TSNARE1: variants seen among roughly 807,000 people sequenced by gnomAD.
TSNARE1 encodes the protein t-SNARE domain-containing protein 1.
In TSNARE1, 49 loss-of-function variants were observed where a neutral mutation model predicts 62.0. The ratio of observed to expected loss-of-function variants is 0.79; its 90% CI spans 0.63 to 1.00. The LOEUF is 1.00. TSNARE1 is among the 50% of genes least tolerant of loss of function. The probability of loss-of-function intolerance (pLI) is 0.00; values close to 1 mark genes in which losing one functional copy is unlikely to be tolerated. For synonymous variants in TSNARE1, 328 were observed against 294.4 expected (o/e 1.11, Z -1.17); for missense variants, 755 against 700.1 (o/e 1.08, Z -0.88).
intron 12 of TSNARE1, chr8:142,274,150 G>C: frequency 1.0e-6 from 1 of 985,374 alleles, no homozygotes; most frequent in Non-Finnish European, 1.2e-6. Context: ...ATCTCTGCCC[G>C]TCAGGGCCAG....
At chr8:142,265,083 G>T (rs1819064810) in intron 12 of TSNARE1, among the ~76,000 whole-genome samples, 2 of 151,376 alleles carry the variant, frequency 1.3e-5, no homozygotes, top group South Asian at 4.2e-4. Context: ...ATACTCTTAG[G>T]TTACCTTAGT....
At chr8:142,266,671 A>G (rs1819150031) in intron 12 of TSNARE1, among the ~76,000 whole-genome samples, 1 of 152,094 alleles carries the variant, frequency 6.6e-6, no homozygotes, top group Non-Finnish European at 1.5e-5. Flanking sequence ...TTCACCCATG[A>G]TGTGCCCAGG....
In TSNARE1 at chr8:142,299,372, AAG is replaced by A. The variant is rs1200197546; in HGVS notation, c.1290+1112_1290+1113del. ...TACTGCCAGGCCTCTGCTTTTCTAG[AAG>A]AGTCAGCTCTTAGCAGACATTTGCT... On this transcript the variant is annotated intron_variant, in intron 10 of 13. Coordinates refer to ENST00000524325, the MANE Select transcript of TSNARE1 (RefSeq NM_145003.5). 2.0e-5 allele frequency among the ~76,000 whole-genome samples: 3 copies of A among 152,340 alleles called. No homozygotes were observed. In the East Asian group the frequency reaches 5.8e-4, roughly 29 times the overall value.
At chr8:142,249,452 G>T (rs1440154325) in intron 12 of TSNARE1, among the ~76,000 whole-genome samples, 1 of 152,154 alleles carries the variant, frequency 6.6e-6, no homozygotes, top group Non-Finnish European at 1.5e-5. Context: ...CCTGGAAAGG[G>T]GGGTTTGGGT....
chr8:142,362,729 A>C (rs1835256431), intron 1 of TSNARE1, among the ~76,000 whole-genome samples: 1 of 152,174 alleles, frequency 6.6e-6, no homozygotes, highest in Non-Finnish European at 1.5e-5. Flanking sequence ...TTTGGAGGGG[A>C]CATTCACACC....
chr8:142,282,157 G>A (rs930797561), intron 11 of TSNARE1, among the ~76,000 whole-genome samples: 1 of 152,164 alleles, frequency 6.6e-6, no homozygotes, highest in Non-Finnish European at 1.5e-5. Flanking sequence ...GTGGATGCAG[G>A]GACTTCAGGA....
chr8:142,381,556 C>T (rs937631363), intron 1 of TSNARE1, among the ~76,000 whole-genome samples: 11 of 152,148 alleles, frequency 7.2e-5, no homozygotes, highest in Non-Finnish European at 1.2e-4. Context: ...TGGAGCTCAG[C>T]GCCCTTTCTG....
intron 1 of TSNARE1, among the ~76,000 whole-genome samples, chr8:142,373,824 T>C (rs768672689): frequency 7.9e-5 from 12 of 151,562 alleles, no homozygotes; most frequent in Non-Finnish European, 1.6e-4. Flanking sequence ...GAGAGGGAGC[T>C]AGGCAGGGGA....
chr8:142,265,197 C>G (rs1819071148), intron 12 of TSNARE1, among the ~76,000 whole-genome samples: 1 of 151,856 alleles, frequency 6.6e-6, no homozygotes, highest in African/African-American at 2.4e-5. Context: ...GTTCAAAATA[C>G]AAAACTGTCC....
At chr8:142,292,706 C>A (rs1824006102) in intron 10 of TSNARE1, among the ~76,000 whole-genome samples, 1 of 152,116 alleles carries the variant, frequency 6.6e-6, no homozygotes, top group African/African-American at 2.4e-5. Flanking sequence ...CACAGGAAGA[C>A]TGTCCCGAGC....
chr8:142,273,221 C>A (rs1010841490), intron 12 of TSNARE1: 2 of 985,168 alleles, frequency 2.0e-6, no homozygotes, highest in Admixed American at 6.1e-5. Flanking sequence ...ACTGTCCCAT[C>A]GTCCTCCTGC....
At position 142,345,872 on chromosome 8, in the gene TSNARE1, C is replaced by T. The variant is rs1322174660; in HGVS notation, c.109G>A (p.Glu37Lys). ...QPLECARCWT[E>K]YGIRHFPCPS... ...CAGGGGAAATGGCGGATTCCATACT[C>T]GGTCCAACATCTAGCGCACTCTACG... is the stretch of plus-strand genomic sequence containing the variant. The change falls in exon 3 of 14, where the codon GAG becomes AAG. Residue 37 changes from glutamate to lysine, a missense_variant. By Grantham distance (56) the Glu-to-Lys change is moderately conservative (BLOSUM62 1). Transcript: ENST00000524325. 3.1e-6 allele frequency: 5 copies of T among 1,613,878 alleles called. No homozygotes were observed. The highest frequency in any genetic ancestry group is 4.2e-6 in the Non-Finnish European group (5 of 1,179,876).
At chr8:142,238,672 C>T (rs1817549614) in intron 12 of TSNARE1, among the ~76,000 whole-genome samples, 1 of 151,784 alleles carries the variant, frequency 6.6e-6, no homozygotes. Flanking sequence ...CTCCCCAGCC[C>T]CTCCCCTGCA....
intron 12 of TSNARE1, among the ~76,000 whole-genome samples, chr8:142,242,690 G>A (rs925860836): frequency 1.3e-4 from 20 of 152,190 alleles, no homozygotes; most frequent in East Asian, 1.2e-3. Context: ...GGCCGGGCAC[G>A]GTGGTTCATG....
intron 13 of TSNARE1, among the ~76,000 whole-genome samples, chr8:142,220,441 A>G (rs954702871): frequency 6.6e-6 from 1 of 152,104 alleles, no homozygotes; most frequent in Non-Finnish European, 1.5e-5. Flanking sequence ...TCTGGGTCCC[A>G]GGGGAGAGAT....
intron 12 of TSNARE1, among the ~76,000 whole-genome samples, chr8:142,231,267 G>A (rs1817104164): frequency 6.6e-6 from 1 of 152,216 alleles, no homozygotes; most frequent in South Asian, 2.1e-4. Flanking sequence ...TTCTTGGCCA[G>A]GACACTGAAG....
intron 12 of TSNARE1, among the ~76,000 whole-genome samples, chr8:142,264,036 GCTTT>G (rs958489403): frequency 2.0e-5 from 3 of 151,946 alleles, no homozygotes; most frequent in African/African-American, 7.3e-5. Flanking sequence ...TTAATTTTCA[GCTTT>G]CTTTGGTAGT....
intron 12 of TSNARE1, among the ~76,000 whole-genome samples, chr8:142,256,476 CTAT>C (rs1210910713): frequency 6.7e-6 from 1 of 149,828 alleles, no homozygotes; most frequent in African/African-American, 2.5e-5. Context: ...AACACCATCA[CTAT>C]CACCACCACC....
chr8:142,399,681 G>A (rs765393983), intron 1 of TSNARE1, among the ~76,000 whole-genome samples: 1 of 152,168 alleles, frequency 6.6e-6, no homozygotes, highest in Non-Finnish European at 1.5e-5. Context: ...ACACACAGAT[G>A]CCACAAATGT....
Sources: gnomAD v4.1 joint callset for allele counts (sites outside exome capture counted in the v4.1 genomes callset) on GRCh38, gnomAD v4.1.1 for gene constraint, MANE v1.5 for transcripts, NCBI Gene and HGNC (gene_info 2026-07-23, HGNC 2026-07-21) for gene names.